The following DPYD variants were observed in gnomAD, a reference collection of about 807,000 sequenced individuals.
The protein encoded by DPYD is dihydropyrimidine dehydrogenase.
In DPYD, 109 loss-of-function variants were observed where a neutral mutation model predicts 116.2. That is an observed-to-expected ratio of 0.94 (90% CI 0.80 to 1.10). DPYD has a LOEUF of 1.10. DPYD is among the 50% of genes least tolerant of loss of function. The pLI is 0.00. For synonymous variants in DPYD, 440 were observed against 432.0 expected (o/e 1.02, Z -0.23); for missense variants, 1,302 against 1,254.5 (o/e 1.04, Z -0.57).
chr1:97,641,994 A>T (rs1657935044), intron 8 of DPYD, among the ~76,000 whole-genome samples: 1 of 152,202 alleles, frequency 6.6e-6, no homozygotes, highest in Non-Finnish European at 1.5e-5. Context: ...GTGAACTCTC[A>T]TTCACAACTG....
At chr1:97,127,133 T>C (rs1652906925) in intron 20 of DPYD, among the ~76,000 whole-genome samples, 1 of 152,146 alleles carries the variant, frequency 6.6e-6, no homozygotes, top group Admixed American at 6.6e-5. Context: ...GCAGGCCTTC[T>C]TGGACACGAA....
intron 3 of DPYD, among the ~76,000 whole-genome samples, chr1:97,767,448 T>C (rs1041770739): frequency 1.2e-4 from 18 of 150,486 alleles, no homozygotes; most frequent in African/African-American, 4.2e-4. Context: ...GCAGAAATAA[T>C]GGTATGCTCA....
chr1:97,536,768 C>A (rs1650032065), intron 12 of DPYD, among the ~76,000 whole-genome samples: 1 of 152,204 alleles, frequency 6.6e-6, no homozygotes, highest in Non-Finnish European at 1.5e-5. Flanking sequence ...AAATAAATGC[C>A]TCTTGGCTAC....
intron 14 of DPYD, among the ~76,000 whole-genome samples, chr1:97,420,600 CAAGCATAAACGG>C (rs1674526434): frequency 1.3e-5 from 2 of 152,034 alleles, no homozygotes; most frequent in Non-Finnish European, 2.9e-5. Flanking sequence ...AACTCCTAGG[CAAGCATAAACGG>C]CCTTTCGTAA....
chr1:97,248,703 A>G (rs1419710929), intron 18 of DPYD, among the ~76,000 whole-genome samples: 4 of 152,186 alleles, frequency 2.6e-5, no homozygotes, highest in African/African-American at 9.7e-5. Context: ...ACTATCCTCA[A>G]TCTGACAAAG....
intron 13 of DPYD, 71 bp downstream of exon 13, chr1:97,515,655 A>G: frequency 7.3e-7 from 1 of 1,379,034 alleles, no homozygotes; most frequent in Non-Finnish European, 1.0e-6. Context: ...AAAAAAATCC[A>G]TTATAATGTT....
intron 16 of DPYD, among the ~76,000 whole-genome samples, chr1:97,322,449 A>G (rs201405916): frequency 6.6e-6 from 1 of 152,024 alleles, no homozygotes; most frequent in East Asian, 1.9e-4. Context: ...CTAAGGAAAT[A>G]CTAAAGTGGG....
At chr1:97,222,185 A>G (rs189347101) in intron 19 of DPYD, among the ~76,000 whole-genome samples, 10 of 152,262 alleles carry the variant, frequency 6.6e-5, no homozygotes, top group Admixed American at 4.6e-4. Flanking sequence ...AAGAAGTCAG[A>G]CCGTTAATTA....
intron 8 of DPYD, among the ~76,000 whole-genome samples, chr1:97,644,005 C>A (rs1658094737): frequency 6.6e-6 from 1 of 151,980 alleles, no homozygotes; most frequent in Admixed American, 6.6e-5. Flanking sequence ...ATGGGTTCAG[C>A]AAACCACCAT....
intron 18 of DPYD, among the ~76,000 whole-genome samples, chr1:97,242,797 T>C (rs1662464021): frequency 6.6e-6 from 1 of 151,754 alleles, no homozygotes; most frequent in South Asian, 2.1e-4. Context: ...CTGTGTCCAA[T>C]ATTTTAGATA....
intron 2 of DPYD, among the ~76,000 whole-genome samples, chr1:97,864,844 T>C (rs902329685): frequency 1.3e-5 from 2 of 151,858 alleles, no homozygotes; most frequent in Non-Finnish European, 2.9e-5. Flanking sequence ...AAAGCCACAT[T>C]ATGGTGGCTT....
chr1:97,714,325 G>C (rs997492499), intron 5 of DPYD, among the ~76,000 whole-genome samples: 2 of 151,948 alleles, frequency 1.3e-5, no homozygotes, highest in Non-Finnish European at 2.9e-5. Flanking sequence ...TGATTCTCCT[G>C]CCTCAGCCTC....
intron 8 of DPYD, among the ~76,000 whole-genome samples, chr1:97,598,078 T>A (rs2102268364): frequency 6.6e-6 from 1 of 152,298 alleles, no homozygotes; most frequent in African/African-American, 2.4e-5. Flanking sequence ...CTATTAATAT[T>A]AAGATAGGTT....
intron 19 of DPYD, among the ~76,000 whole-genome samples, chr1:97,202,131 C>T (rs1349233069): frequency 2.0e-5 from 3 of 152,058 alleles, no homozygotes; most frequent in East Asian, 1.9e-4. Flanking sequence ...GAACAACAAA[C>T]GAATAGCCCC....
chr1:97,425,480 A>T (rs1453836365), intron 14 of DPYD, among the ~76,000 whole-genome samples: 1 of 152,134 alleles, frequency 6.6e-6, no homozygotes. Context: ...GGAAACTTAG[A>T]GATTTCGGCT....
intron 8 of DPYD, among the ~76,000 whole-genome samples, chr1:97,671,280 T>TAA (rs1428383078): frequency 6.6e-6 from 1 of 152,112 alleles, no homozygotes; most frequent in South Asian, 2.1e-4. Flanking sequence ...GCCATGATTT[T>TAA]AAAAAACATT....
chr1:97,173,261 C>CAT (rs1656902076), intron 20 of DPYD, among the ~76,000 whole-genome samples: 1 of 147,568 alleles, frequency 6.8e-6, no homozygotes, highest in African/African-American at 2.6e-5. Context: ...TATATGCACA[C>CAT]ATATGTACAT....
intron 13 of DPYD, among the ~76,000 whole-genome samples, chr1:97,500,300 T>G (rs369743367): frequency 6.6e-6 from 1 of 152,008 alleles, no homozygotes; most frequent in Non-Finnish European, 1.5e-5. Flanking sequence ...TCCAGTTGCA[T>G]GACAAAACTG....
At chr1:97,316,933 T>C (rs1667889227) in intron 16 of DPYD, among the ~76,000 whole-genome samples, 1 of 151,144 alleles carries the variant, frequency 6.6e-6, no homozygotes, top group Admixed American at 6.6e-5. Context: ...TCTTTAATTT[T>C]ATCATGTTTT....
Sources: gnomAD v4.1 joint callset for allele counts (sites outside exome capture counted in the v4.1 genomes callset) on GRCh38, gnomAD v4.1.1 for gene constraint, MANE v1.5 for transcripts, NCBI Gene and HGNC (gene_info 2026-07-23, HGNC 2026-07-21) for gene names.